PCSK7: variants seen among roughly 807,000 people sequenced by gnomAD.
PCSK7 encodes the protein lymphoma proprotein convertase.
A neutral mutation model predicts 73.3 loss-of-function variants in PCSK7; 38 were observed. The observed-to-expected ratio is 0.52, with a 90% CI of 0.40 to 0.68. PCSK7 has a LOEUF of 0.68. Ranked by LOEUF, PCSK7 falls within the 30% of genes least tolerant of loss-of-function variation. PCSK7 has a pLI of 0.00. For synonymous variants in PCSK7, 296 were observed against 383.8 expected, an observed-to-expected ratio of 0.77 and a Z score of 2.68; for missense variants, 692 against 991.5, an observed-to-expected ratio of 0.70 and a Z score of 4.06.
At chr11:117,215,406 A>ATATATATATG (rs1555044281) in intron 12 of PCSK7, 1 of 54,594 alleles carries the variant, frequency 1.8e-5, no homozygotes, top group Non-Finnish European at 2.8e-5. Flanking sequence ...ATATATATAT[A>ATATATATATG]CTTTTTTTTT....
rs1191110616 is a variant in PCSK7 at position 117,226,031 on chromosome 11, G to A, written c.770-10C>T. On this transcript the variant is annotated splice_polypyrimidine_tract_variant and intron_variant, in intron 5 of 16. Transcript: ENST00000320934. ...TCCAGTACCCGGATACCTAGGCAATGAAGGCCACAGCAGCTCCTCACTAAT... is the reference window on the plus strand; with the variant it reads ...TCCAGTACCCGGATACCTAGGCAATAAAGGCCACAGCAGCTCCTCACTAAT... 2 of 1,504,692 alleles carry A rather than the reference G, an allele frequency of 1.3e-6. No individual in the cohort carries two copies. Among genetic ancestry groups the A allele is most frequent in the Non-Finnish European group, 1.9e-6 (2 of 1,080,284 alleles). The allele number at this position is 1,504,692 out of a possible 1,614,324, so 93.2% of individuals were successfully genotyped here.
intron 8 of PCSK7, 83 bp from the exon 9 acceptor site, chr11:117,223,391 T>C (rs2032283534): frequency 1.2e-6 from 1 of 850,240 alleles, no homozygotes; most frequent in African/African-American, 1.6e-5. Flanking sequence ...TATCTTGGAG[T>C]TACCATCCTG....
chr11:117,225,983 C>G lies in PCSK7; in HGVS notation c.808G>C (p.Glu270Gln). The change falls in exon 6 of 17, where the codon GAG (glutamate) becomes CAG (glutamine). Residue 270 changes from glutamate (E) to glutamine (Q), a missense_variant. By Grantham distance (29) the Glu-to-Gln change is conservative. Transcript: ENST00000320934. ...VLDGPLTDSM[E>Q]AVAFNKHYQI... ...TAGTGCTTGTTGAACGCCACTGCCT[C>G]CATGCTGTCTGTGAGAGGTCCATCC... is the stretch of plus-strand genomic sequence containing the variant. 6.2e-7 allele frequency: 1 copy of G among 1,612,136 alleles called. No individual in the cohort carries two copies. Among genetic ancestry groups the G allele is most frequent in the Non-Finnish European group, 8.5e-7 (1 of 1,178,222 alleles).
In PCSK7 at chr11:117,229,681, G is replaced by T. The variant is rs1471126721; in HGVS notation, c.164C>A (p.Ala55Asp). ...ACCTTCCAGGCTTTCCAGGTGCACAGCCCAGCTCGGCCCCCCTGTGCCCTG... is the reference window on the plus strand; with the variant it reads ...ACCTTCCAGGCTTTCCAGGTGCACATCCCAGCTCGGCCCCCCTGTGCCCTG... ...DGQGTGGPSW[A>D]VHLESLEGDG... is the part of the protein sequence containing the mutation. Residue 55 changes from alanine (A) to aspartate (D), a missense_variant, in exon 3 of 17, where the codon GCT becomes GAT. Ala to Asp is a moderately radical substitution (Grantham distance 126). Around this residue, in one of 6 missense-constraint regions of PCSK7, gnomAD observed 574 missense variants for 689.8 expected, o/e 0.83. Transcript: ENST00000320934. The T allele has an allele frequency of 6.2e-7, 1 of 1,613,780 alleles. No individual in the cohort carries two copies. The highest frequency in any genetic ancestry group is 2.2e-5 in the East Asian group (1 of 44,890).
chr11:117,223,989 T>A, intron 8 of PCSK7, 89 bp downstream of exon 8: 1 of 1,334,358 alleles, frequency 7.5e-7, no homozygotes, highest in South Asian at 1.2e-5. Context: ...CTCACACATT[T>A]AGACACACAC....
intron 1 of PCSK7, among the ~76,000 whole-genome samples, chr11:117,231,423 C>T (rs1312616418): frequency 6.6e-6 from 1 of 152,154 alleles, no homozygotes; most frequent in East Asian, 1.9e-4. Flanking sequence ...GTGTCTTCCC[C>T]AGTCTGCATA....
rs769308377 is a variant in PCSK7 at position 117,224,690 on chromosome 11, A to C, written c.915+11T>G. 1 of 1,607,986 alleles carries C rather than the reference A, an allele frequency of 6.2e-7. No homozygotes were observed. Among genetic ancestry groups the C allele is most frequent in the Admixed American group, 1.7e-5 (1 of 60,010 alleles). On this transcript the variant is annotated intron_variant, in intron 7 of 16. Transcript: ENST00000320934. ...ATCCCGTTTCTCAGAGTCTTTGTGCAGGCCAGTTACCTTTCCAAGCTGATG... is the reference window on the plus strand; with the variant it reads ...ATCCCGTTTCTCAGAGTCTTTGTGCCGGCCAGTTACCTTTCCAAGCTGATG...
At chr11:117,213,968 T>C (rs1034842065) in intron 12 of PCSK7, 2 of 133,802 alleles carry the variant, frequency 1.5e-5, no homozygotes, top group African/African-American at 3.0e-5. Flanking sequence ...TTTTTTTTTT[T>C]TTTTTTTTAG....
intron 12 of PCSK7, chr11:117,214,171 A>G (rs942854884): frequency 2.0e-5 from 3 of 151,516 alleles, no homozygotes; most frequent in African/African-American, 7.3e-5. Context: ...GTTGGCCAGG[A>G]TGGTCTCGAT....
chr11:117,229,087 T>C (rs1253214645), intron 3 of PCSK7, among the ~76,000 whole-genome samples: 2 of 152,232 alleles, frequency 1.3e-5, no homozygotes, highest in Non-Finnish European at 2.9e-5. Flanking sequence ...ATGGAGAAGC[T>C]GAGGCACAGA....
chr11:117,227,109 G>C (rs752445726), intron 5 of PCSK7, 48 bp downstream of exon 5: 1 of 1,479,512 alleles, frequency 6.8e-7, no homozygotes, highest in Non-Finnish European at 9.2e-7. Flanking sequence ...AATGAAGACT[G>C]TGGTCACAGG....
At chr11:117,213,976 T>TTTTTTTTTTTTTTTTTTTTTTTTTG (rs36106425) in intron 12 of PCSK7, 2 of 131,358 alleles carry the variant, frequency 1.5e-5, no homozygotes, top group Admixed American at 1.6e-4. Flanking sequence ...TTTTTTTTTT[T>TTTTTTTTTTTTTTTTTTTTTTTTTG]AGACGGAGTC....
chr11:117,223,153 G>A, intron 9 of PCSK7, 55 bp downstream of exon 9: 1 of 1,001,398 alleles, frequency 1.0e-6, no homozygotes. Flanking sequence ...TGATGTCTGA[G>A]ACGTGAAGTC....
intron 12 of PCSK7, chr11:117,210,830 G>A (rs2031696574): frequency 6.6e-6 from 1 of 152,208 alleles, no homozygotes; most frequent in South Asian, 2.1e-4. Context: ...AGCTACTCAG[G>A]AGGTTGAGGG....
At chr11:117,215,113 A>G (rs1288153784) in intron 12 of PCSK7, 2 of 152,114 alleles carry the variant, frequency 1.3e-5, no homozygotes, top group Admixed American at 6.5e-5. Flanking sequence ...GCACTTCTCA[A>G]TATGGTAGCC....
rs745761544 is a variant in PCSK7, at chr11:117,229,409, T to C, written c.436A>G (p.Asn146Asp). The change falls in exon 3 of 17, where the codon AAC (asparagine) becomes GAC (aspartate). Residue 146 changes from asparagine (N) to aspartate (D), a missense_variant. Around this residue, in one of 6 missense-constraint regions of PCSK7, gnomAD observed 574 missense variants for 689.8 expected, o/e 0.83. Coordinates refer to ENST00000320934, the MANE Select transcript of PCSK7 (RefSeq NM_004716.4). ...CATTGCTGCGGGTACTTGGGGTCGT[T>C]GAAGTGGACGCTGCGCTTGGCCCGC... ...LRRAKRSVHF[N>D]DPKYPQQWHL... 3.1e-6 allele frequency: 5 copies of C among 1,608,338 alleles called. No individual in the cohort carries two copies. In the African/African-American group the frequency reaches 6.7e-5, roughly 21 times the overall value.
Position 117,229,747 on chromosome 11 carries a change from G to T in PCSK7, c.98C>A (p.Pro33His), listed in dbSNP as rs777193247. The T allele has an allele frequency of 6.3e-5, 102 of 1,613,802 alleles. 2 individuals carry two copies. The South Asian group carries it at 1.1e-3, about 17-fold the overall frequency. Residue 33 changes from proline (P) to histidine (H), a missense_variant, in exon 3 of 17, where the codon CCC becomes CAC. Transcript: ENST00000320934. ...LELAGLFLLV[P>H]WVMGLAGTGG... Reference sequence around the variant, plus strand: ...TGTCCCTGCCAGGCCCATGACCCAGGGAACCAGTAAGAAGAGCCCGGCTAA... The same window carrying T: ...TGTCCCTGCCAGGCCCATGACCCAGTGAACCAGTAAGAAGAGCCCGGCTAA...
At chr11:117,209,735 C>G (rs1472110864) in intron 12 of PCSK7, 2 of 153,122 alleles carry the variant, frequency 1.3e-5, no homozygotes, top group African/African-American at 2.4e-5. Context: ...GTCCCACTAC[C>G]GGGGAGGGTG....
intron 6 of PCSK7, 180 bp downstream of exon 6, chr11:117,225,751 G>A: frequency 1.6e-6 from 1 of 624,036 alleles, no homozygotes; most frequent in Non-Finnish European, 2.9e-6. Flanking sequence ...GGTGACGGGG[G>A]CTTAAGGTTG....
Sources: gnomAD v4.1 joint callset for allele counts (sites outside exome capture counted in the v4.1 genomes callset) on GRCh38, gnomAD v4.1.1 for gene constraint, gnomAD v4.1.1 regional missense constraint, MANE v1.5 for transcripts, NCBI Gene and HGNC (gene_info 2026-07-23, HGNC 2026-07-21) for gene names.